HDAC4: variants seen among roughly 807,000 people sequenced by gnomAD.
The protein encoded by HDAC4 is histone deacetylase A.
HDAC4 carries 16 observed loss-of-function variants against 135.1 expected under a neutral mutation model. The ratio of observed to expected loss-of-function variants is 0.12; its 90% CI spans 0.08 to 0.18. The LOEUF (loss-of-function observed/expected upper bound fraction) is 0.18. Among genes scored for constraint, HDAC4 ranks in the 10% least tolerant of loss-of-function variants. The pLI is 1.00. For synonymous variants in HDAC4, 685 were observed against 653.4 expected (o/e 1.05, Z -0.74); for missense variants, 1,143 against 1,511.8 (o/e 0.76, Z 4.05).
At chr2:239,319,647 A>G (rs1468273780) in intron 2 of HDAC4, among the ~76,000 whole-genome samples, 3 of 152,244 alleles carry the variant, frequency 2.0e-5, no homozygotes, top group Non-Finnish European at 2.9e-5. Context: ...AATGTCCACA[A>G]CATCATGTTT....
chr2:239,308,059 C>G lies in HDAC4; in HGVS notation c.22+44619G>C, dbSNP rs540135090. 6.6e-6 allele frequency among the ~76,000 whole-genome samples: 1 copy of G among 152,334 alleles called. No individual in the cohort carries two copies. The highest frequency in any genetic ancestry group is 1.5e-5 in the Non-Finnish European group (1 of 68,032). On this transcript the variant is annotated intron_variant, in intron 2 of 26. Coordinates refer to ENST00000543185, the MANE Select transcript of HDAC4 (RefSeq NM_001378414.1). This position sits in a 1 kb window ranked among gnomAD's most constrained non-coding sequence, Gnocchi z 4.2. ...GAGCCAAGGATGGCCCATCCCACCC[C>G]CAACGGTGAGAGCCGGGCCCATCAC...
intron 4 of HDAC4, among the ~76,000 whole-genome samples, chr2:239,184,701 A>G (rs1430992322): frequency 3.1e-5 from 2 of 65,390 alleles, no homozygotes; most frequent in South Asian, 6.0e-4. Flanking sequence ...GTCCCGGAGG[A>G]TGTGTCCTAT....
intron 3 of HDAC4, among the ~76,000 whole-genome samples, chr2:239,203,504 G>A (rs1002085766): frequency 2.0e-5 from 3 of 152,130 alleles, no homozygotes; most frequent in African/African-American, 7.2e-5. Flanking sequence ...CTCCCTCCAG[G>A]ATCACTAACC....
In HDAC4 at chr2:239,138,593, C is replaced by T. The variant is rs543006293; in HGVS notation, c.978+1091G>A. Among the ~76,000 whole-genome samples, 18 of 152,374 alleles carry T rather than the reference C, an allele frequency of 1.2e-4. No individual in the cohort carries two copies. The South Asian group carries it at 3.5e-3, about 30-fold the overall frequency. On this transcript the variant is annotated intron_variant, in intron 9 of 26. Coordinates refer to ENST00000543185, the MANE Select transcript of HDAC4 (RefSeq NM_001378414.1). ...GCTCAACTCATCAGAAAACTCACTG[C>T]TAAAGCGTACCCCTCCCACCCCTGC...
intron 3 of HDAC4, among the ~76,000 whole-genome samples, chr2:239,199,562 T>G (rs2045624669): frequency 1.3e-5 from 2 of 152,074 alleles, no homozygotes; most frequent in East Asian, 1.9e-4. Context: ...GCCTCCAAAC[T>G]CGAGCAGTGA....
chr2:239,261,735 G>A (rs1180155767), intron 2 of HDAC4, among the ~76,000 whole-genome samples: 1 of 152,180 alleles, frequency 6.6e-6, no homozygotes, highest in Non-Finnish European at 1.5e-5. Flanking sequence ...CAGGCCCACG[G>A]GGAGGAAGGG....
chr2:239,345,798 C>T (rs115991046), intron 2 of HDAC4, among the ~76,000 whole-genome samples: 2,504 of 146,198 alleles, frequency 0.017, 39 homozygotes, highest in East Asian at 0.094. Context: ...CATACACACC[C>T]TAACACACAT....
rs144393091 is a variant in HDAC4 at position 239,142,218 on chromosome 2, A to G, written c.865+2365T>C. Among the ~76,000 whole-genome samples, 177 of 152,246 alleles carry G rather than the reference A, an allele frequency of 1.2e-3. 1 individual carries two copies. The highest frequency in any genetic ancestry group is 4.0e-3 in the African/African-American group (168 of 41,538). ...CACCCAATTAATTAGTGACTGAGAAAAAGCAGAGTATCCACCTGGCTCTCT... is the reference window on the plus strand; with the variant it reads ...CACCCAATTAATTAGTGACTGAGAAGAAGCAGAGTATCCACCTGGCTCTCT... On this transcript the variant is annotated intron_variant, in intron 8 of 26. Transcript: ENST00000543185.
intron 1 of HDAC4, among the ~76,000 whole-genome samples, chr2:239,365,269 T>C (rs1027488691): frequency 6.6e-6 from 1 of 152,254 alleles, no homozygotes; most frequent in African/African-American, 2.4e-5. Context: ...CAGATATTTT[T>C]CCTCCATAAT....
chr2:239,297,225 G>A (rs1162082444), intron 2 of HDAC4, among the ~76,000 whole-genome samples: 4 of 152,028 alleles, frequency 2.6e-5, no homozygotes, highest in Non-Finnish European at 5.9e-5. Context: ...ACCTTCCCAC[G>A]AGCAGCCAGC....
chr2:239,057,790 A>G (rs2032101265), intron 24 of HDAC4, among the ~76,000 whole-genome samples: 1 of 152,246 alleles, frequency 6.6e-6, no homozygotes, highest in African/African-American at 2.4e-5. Context: ...AGGCAGTATG[A>G]AAATAATCCT....
intron 7 of HDAC4, among the ~76,000 whole-genome samples, chr2:239,148,799 C>CA (rs1160594353): frequency 6.6e-6 from 1 of 152,234 alleles, no homozygotes; most frequent in East Asian, 1.9e-4. Flanking sequence ...AGACCGTTCA[C>CA]ACGCACCGGG....
intron 5 of HDAC4, among the ~76,000 whole-genome samples, chr2:239,172,417 C>A (rs927804444): frequency 6.6e-6 from 1 of 151,144 alleles, no homozygotes. Flanking sequence ...ATAAATATAT[C>A]AATAATTACA....
chr2:239,072,714 T>C (rs185953371), intron 22 of HDAC4, among the ~76,000 whole-genome samples: 1 of 152,248 alleles, frequency 6.6e-6, no homozygotes, highest in Non-Finnish European at 1.5e-5. Flanking sequence ...TCAGCTTTTA[T>C]TACAAATGAA....
chr2:239,166,981 A>T (rs1440449812), intron 5 of HDAC4, among the ~76,000 whole-genome samples: 2 of 152,216 alleles, frequency 1.3e-5, no homozygotes, highest in East Asian at 3.8e-4. Context: ...GCAGGGAAGT[A>T]GTCCAACCGC....
intron 1 of HDAC4, among the ~76,000 whole-genome samples, chr2:239,377,780 G>A (rs912653574): frequency 8.5e-5 from 13 of 152,086 alleles, no homozygotes; most frequent in African/African-American, 2.2e-4. Context: ...GATGCAAGAC[G>A]GACATCTCAG....
chr2:239,296,994 C>T (rs1265724960), intron 2 of HDAC4, among the ~76,000 whole-genome samples: 1 of 63,706 alleles, frequency 1.6e-5, no homozygotes, highest in Non-Finnish European at 3.4e-5. Context: ...CTGCAGGGAA[C>T]AAATAAAACT....
At chr2:239,350,590 G>A (rs1693072392) in intron 2 of HDAC4, among the ~76,000 whole-genome samples, 1 of 151,998 alleles carries the variant, frequency 6.6e-6, no homozygotes, top group East Asian at 1.9e-4. Context: ...TGCAACCTCT[G>A]CCTCCCAGGT....
chr2:239,399,877 CTG>C (rs1338703566), intron 1 of HDAC4, among the ~76,000 whole-genome samples: 1 of 152,320 alleles, frequency 6.6e-6, no homozygotes, highest in East Asian at 1.9e-4. Flanking sequence ...TATTTGAAAA[CTG>C]TGTCACAGCA....
Sources: gnomAD v4.1 joint callset for allele counts (sites outside exome capture counted in the v4.1 genomes callset) on GRCh38, gnomAD v4.1.1 for gene constraint, Gnocchi (gnomAD v3.1) non-coding constraint, MANE v1.5 for transcripts, NCBI Gene and HGNC (gene_info 2026-07-23, HGNC 2026-07-21) for gene names.